Variants in VWC2L observed in about 807,000 individuals in gnomAD.
VWC2L encodes the protein von Willebrand factor C domain containing 2 like, also known as von Willebrand factor C domain-containing protein 2-like.
In VWC2L, 10 loss-of-function variants were observed where a neutral mutation model predicts 21.6. The ratio of observed to expected loss-of-function variants is 0.46; its 90% CI spans 0.29 to 0.78. VWC2L has a LOEUF of 0.78. VWC2L is among the 30% of genes least tolerant of loss of function. VWC2L has a pLI of 0.10. For synonymous variants in VWC2L, 96 were observed against 94.3 expected (o/e 1.02, Z -0.10); for missense variants, 209 against 277.1 (o/e 0.75, Z 1.74).
At chr2:214,524,116 A>G (rs951191550) in intron 3 of VWC2L, among the ~76,000 whole-genome samples, 4 of 152,200 alleles carry the variant, frequency 2.6e-5, no homozygotes, top group Non-Finnish European at 4.4e-5. Context: ...ATATTGTTAT[A>G]TACAGCATTT....
intron 3 of VWC2L, among the ~76,000 whole-genome samples, chr2:214,476,287 C>T (rs79467150): frequency 3.7e-4 from 56 of 152,252 alleles, no homozygotes; most frequent in African/African-American, 1.3e-3. Context: ...ATATTCATAA[C>T]CAAATCATGC....
chr2:214,568,556 T>C (rs1338950389), intron 3 of VWC2L, among the ~76,000 whole-genome samples: 4 of 152,246 alleles, frequency 2.6e-5, no homozygotes. Flanking sequence ...AGGAGCAAAG[T>C]CACATTTTAC....
At chr2:214,527,417 A>C in intron 3 of VWC2L, among the ~76,000 whole-genome samples, 1 of 152,178 alleles carries the variant, frequency 6.6e-6, no homozygotes, top group Non-Finnish European at 1.5e-5. Context: ...AAATAAAAGA[A>C]GAAGAAAACC....
chr2:214,554,352 G>A (rs765969329), intron 3 of VWC2L, among the ~76,000 whole-genome samples: 1 of 152,110 alleles, frequency 6.6e-6, no homozygotes, highest in Non-Finnish European at 1.5e-5. Context: ...TGAAAAACTA[G>A]TTCAGGCCGT....
chr2:214,514,251 T>C (rs988086394), intron 3 of VWC2L, among the ~76,000 whole-genome samples: 2 of 152,024 alleles, frequency 1.3e-5, no homozygotes, highest in African/African-American at 4.8e-5. Context: ...TCTGTGTTAA[T>C]ACCAGACATA....
At chr2:214,513,115 A>T (rs1188210552) in intron 3 of VWC2L, among the ~76,000 whole-genome samples, 1 of 152,162 alleles carries the variant, frequency 6.6e-6, no homozygotes, top group Non-Finnish European at 1.5e-5. Flanking sequence ...GCTACAAATG[A>T]GGGAAACCTT....
At position 214,411,474 on chromosome 2, in the gene VWC2L, G is replaced by C. The variant is rs1702268792; in HGVS notation, c.-393G>C. The C allele has an allele frequency of 6.6e-6, 1 of 152,198 alleles. No individual in the cohort carries two copies. The highest frequency in any genetic ancestry group is 2.4e-5 in the African/African-American group (1 of 41,442). The allele number at this position is 152,198 out of a possible 1,614,324, so 9.4% of individuals were successfully genotyped here. A position where few individuals can be genotyped will look rare whatever the true frequency, so the allele number is the denominator to read the frequency against. On this transcript the variant is annotated 5_prime_UTR_variant, in exon 1 of 4. Coordinates refer to ENST00000312504, the MANE Select transcript of VWC2L (RefSeq NM_001080500.4). ...GGATCTAAGAAAATGCTAAAAATAA[G>C]TTCAACATGATTCTGCTACTGGGGT...
chr2:214,511,776 C>A (rs1359874854), intron 3 of VWC2L, among the ~76,000 whole-genome samples: 1 of 150,936 alleles, frequency 6.6e-6, no homozygotes, highest in African/African-American at 2.4e-5. Flanking sequence ...ATTATTTAAA[C>A]TGAAAGTGTA....
intron 3 of VWC2L, among the ~76,000 whole-genome samples, chr2:214,545,961 T>G (rs1183369881): frequency 6.6e-6 from 1 of 152,226 alleles, no homozygotes; most frequent in Non-Finnish European, 1.5e-5. Flanking sequence ...CATCCATAAT[T>G]TATTCCATTT....
intron 3 of VWC2L, among the ~76,000 whole-genome samples, chr2:214,521,722 T>G (rs755656522): frequency 1.3e-5 from 2 of 152,118 alleles, no homozygotes; most frequent in Non-Finnish European, 2.9e-5. Flanking sequence ...TTAACTGGAG[T>G]AACTCTTCCT....
intron 3 of VWC2L, among the ~76,000 whole-genome samples, chr2:214,460,128 T>C (rs1703118759): frequency 6.6e-6 from 1 of 152,048 alleles, no homozygotes; most frequent in South Asian, 2.1e-4. Flanking sequence ...GTTTCACTCC[T>C]GACCTCAGGT....
At chr2:214,536,365 A>G (rs975907718) in intron 3 of VWC2L, among the ~76,000 whole-genome samples, 3 of 152,102 alleles carry the variant, frequency 2.0e-5, no homozygotes, top group African/African-American at 7.2e-5. Flanking sequence ...CCCCATGATC[A>G]CAATGAATTA....
Position 214,417,706 on chromosome 2 carries a change from C to T in VWC2L, c.390+3123C>T, listed in dbSNP as rs541133226. On this transcript the variant is annotated intron_variant, in intron 2 of 3. Transcript: ENST00000312504. ...GTCGGTGGAGAGTGGATGGAAGGGCCTTGAATACTGGGCCAAAATATTTAG... is the reference window on the plus strand; with the variant it reads ...GTCGGTGGAGAGTGGATGGAAGGGCTTTGAATACTGGGCCAAAATATTTAG... 3.3e-5 allele frequency among the ~76,000 whole-genome samples: 5 copies of T among 151,936 alleles called. No individual in the cohort carries two copies. The South Asian group carries it at 1.0e-3, about 32-fold the overall frequency.
chr2:214,466,037 G>GTCTTTCCTACCTCTTCAGTGTC (rs1254073433), intron 3 of VWC2L, among the ~76,000 whole-genome samples: 4 of 152,144 alleles, frequency 2.6e-5, no homozygotes, highest in Non-Finnish European at 2.9e-5. Flanking sequence ...ATTCAAAGCT[G>GTCTTTCCTACCTCTTCAGTGTC]TCTTTCCTAC....
chr2:214,426,136 C>T (rs1702520889), intron 2 of VWC2L, among the ~76,000 whole-genome samples: 1 of 132,804 alleles, frequency 7.5e-6, no homozygotes, highest in Admixed American at 9.1e-5. Flanking sequence ...CTGGCCATTG[C>T]ACACCAGCCT....
At chr2:214,563,706 A>T (rs1325146049) in intron 3 of VWC2L, among the ~76,000 whole-genome samples, 1 of 152,130 alleles carries the variant, frequency 6.6e-6, no homozygotes, top group Admixed American at 6.5e-5. Context: ...AATAAAAGCC[A>T]TTTATGACAA....
intron 2 of VWC2L, among the ~76,000 whole-genome samples, chr2:214,427,704 G>A (rs574101694): frequency 5.5e-4 from 84 of 152,232 alleles, no homozygotes; most frequent in African/African-American, 1.9e-3. Context: ...CTGTAAAACT[G>A]TAAGATACAA....
intron 3 of VWC2L, among the ~76,000 whole-genome samples, chr2:214,519,044 G>A (rs1200821113): frequency 6.6e-6 from 1 of 152,120 alleles, no homozygotes; most frequent in East Asian, 1.9e-4. Context: ...ACAAAAAGGA[G>A]GTTTTCAGGT....
At chr2:214,498,821 T>A (rs957556739) in intron 3 of VWC2L, among the ~76,000 whole-genome samples, 1 of 150,804 alleles carries the variant, frequency 6.6e-6, no homozygotes, top group African/African-American at 2.4e-5. Context: ...GGATTGTGTA[T>A]ATATGTGCAA....
Sources: gnomAD v4.1 joint callset for allele counts (sites outside exome capture counted in the v4.1 genomes callset) on GRCh38, gnomAD v4.1.1 for gene constraint, MANE v1.5 for transcripts, NCBI Gene and HGNC (gene_info 2026-07-23, HGNC 2026-07-21) for gene names.